The following SF3B3 variants were observed in gnomAD, a reference collection of about 807,000 sequenced individuals.
SF3B3 encodes splicing factor 3b subunit 3, also known as SAP 130.
A neutral mutation model predicts 139.2 loss-of-function variants in SF3B3; 33 were observed. The ratio of observed to expected loss-of-function variants is 0.24; its 90% confidence interval spans 0.18 to 0.32. SF3B3 has a LOEUF of 0.32. SF3B3 is among the 10% of genes least tolerant of loss of function. The pLI, the probability that SF3B3 is intolerant of heterozygous loss-of-function variation, is 1.00. For synonymous variants in SF3B3, 596 were observed against 563.6 expected (o/e 1.06, Z -0.81); for missense variants, 818 against 1,509.4 (o/e 0.54, Z 7.59).
chr16:70,556,777 C>A, intron 14 of SF3B3, 109 bp from the exon 15 acceptor site: 1 of 1,253,134 alleles, frequency 8.0e-7, no homozygotes, highest in Non-Finnish European at 1.1e-6. Context: ...CGGGTTTTTT[C>A]TGTGCATAAG....
In SF3B3 at chr16:70,530,967, T is replaced by C. The variant is rs750167482; in HGVS notation, c.570+50T>C. The C allele has an allele frequency of 2.6e-6, 4 of 1,529,832 alleles. No individual in the cohort carries two copies. The African/African-American group carries it at 5.6e-5, about 21-fold the overall frequency. 94.8% of individuals were successfully genotyped at this position (1,529,832 alleles called of 1,614,324 possible). A position where few individuals can be genotyped will look rare whatever the true frequency, so the allele number is the denominator to read the frequency against. On this transcript the variant is annotated intron_variant, in intron 4 of 25. Transcript: ENST00000302516. ...GTTTCTTTCAGTCACCTCAGTGTTTTTTTTTAAGATTGTTTTCCGGCCGGG... is the reference window on the plus strand; with the variant it reads ...GTTTCTTTCAGTCACCTCAGTGTTTCTTTTTAAGATTGTTTTCCGGCCGGG...
chr16:70,561,829 C>G, intron 17 of SF3B3, 45 bp downstream of exon 17: 8 of 1,561,768 alleles, frequency 5.1e-6, no homozygotes, highest in Non-Finnish European at 7.0e-6. Context: ...GCCTTTCTGC[C>G]AAGGGCTCAG....
In SF3B3 at chr16:70,571,941, A is replaced by G. The variant is rs2050533239; in HGVS notation, c.*128A>G. On this transcript the variant is annotated 3_prime_UTR_variant, in exon 26 of 26. Coordinates refer to ENST00000302516, the MANE Select transcript of SF3B3 (RefSeq NM_012426.5). The stretch of plus-strand genomic sequence containing the variant: ...TAATTAAGACTGCATTATGAAAGTC[A>G]ACAGCTCTTTCCCCTCAGCTCTTCT... 8.8e-7 allele frequency: 1 copy of G among 1,142,418 alleles called. No individual in the cohort carries two copies. The highest frequency in any genetic ancestry group is 1.3e-6 in the Non-Finnish European group (1 of 796,484). 70.8% of individuals were successfully genotyped at this position (1,142,418 alleles called of 1,614,324 possible).
chr16:70,575,526 T>G lies in SF3B3; in HGVS notation c.*3713T>G, dbSNP rs893463848. On this transcript the variant is annotated 3_prime_UTR_variant, in exon 26 of 26. Coordinates refer to ENST00000302516, the MANE Select transcript of SF3B3 (RefSeq NM_012426.5). ...GAGCTGTTTAAGCCATCAGGAGACA[T>G]GCTGACCCACTAGAAGAGGCTGCTA... 1 of 152,396 alleles carries G rather than the reference T, an allele frequency of 6.6e-6. No individual in the cohort carries two copies. Among genetic ancestry groups the G allele is most frequent in the African/African-American group, 2.4e-5 (1 of 41,440 alleles). The allele number at this position is 152,396 out of a possible 1,614,324, so 9.4% of individuals were successfully genotyped here. A position where few individuals can be genotyped will look rare whatever the true frequency, so the allele number is the denominator to read the frequency against.
chr16:70,571,570 C>T, intron 25 of SF3B3, 103 bp from the exon 26 acceptor site: 1 of 1,321,464 alleles, frequency 7.6e-7, no homozygotes, highest in South Asian at 1.5e-5. Context: ...GTCTCAAAAA[C>T]TAAAAAATAA....
chr16:70,549,363 A>G lies in SF3B3; in HGVS notation c.1402+921A>G, dbSNP rs550821309. Among the ~76,000 whole-genome samples the G allele has an allele frequency of 2.6e-5, 4 of 152,354 alleles. No homozygotes were observed. The South Asian group carries it at 8.3e-4, about 32-fold the overall frequency. ...AATTTTCATTGTAGGCATTTGAATC[A>G]TATCCAAGTTGAGTAGAAAGGGAAA... On this transcript the variant is annotated intron_variant, in intron 11 of 25. Transcript: ENST00000302516.
At chr16:70,533,050 C>A (rs2050135961) in intron 5 of SF3B3, among the ~76,000 whole-genome samples, 1 of 152,106 alleles carries the variant, frequency 6.6e-6, no homozygotes, top group Non-Finnish European at 1.5e-5. Flanking sequence ...CCAGATTGAT[C>A]CAAAAATAAA....
chr16:70,556,667 A>G (rs1320224055), intron 14 of SF3B3: 7 of 617,146 alleles, frequency 1.1e-5, no homozygotes, highest in Non-Finnish European at 2.0e-5. Context: ...TACCTTTGCC[A>G]TTATCTTCTT....
At chr16:70,551,911 G>C (rs777179213) in intron 11 of SF3B3, among the ~76,000 whole-genome samples, 12 of 152,158 alleles carry the variant, frequency 7.9e-5, no homozygotes, top group Non-Finnish European at 1.8e-4. Context: ...TAGAAGGAAG[G>C]GGTAGAAGTT....
chr16:70,565,568 A>T (rs1343909137), intron 20 of SF3B3, 44 bp downstream of exon 20: 4 of 1,568,510 alleles, frequency 2.6e-6, no homozygotes, highest in African/African-American at 1.4e-5. Flanking sequence ...AGTCCCATTG[A>T]ATTCTCTCAC....
At position 70,561,639 on chromosome 16, in the gene SF3B3, A is replaced by G. The variant is rs746688490; in HGVS notation, c.2143A>G (p.Met715Val). Residue 715 changes from methionine (M) to valine (V), a missense_variant, in exon 17 of 26, where the codon ATG (methionine) becomes GTG (valine). By Grantham distance (21) the Met-to-Val change is conservative (BLOSUM62 1). This residue lies in a region of SF3B3 where 170 missense variants were observed against 353.0 expected (regional missense o/e 0.48). Transcript: ENST00000302516. ...RMQGQEAVLA[M>V]SSRSWLSYSY... Reference sequence around the variant, plus strand: ...TTTTTTTTCCCCTCAGGTATTGGCCATGTCAAGCCGCTCATGGTTGAGCTA... The same window carrying G: ...TTTTTTTTCCCCTCAGGTATTGGCCGTGTCAAGCCGCTCATGGTTGAGCTA... 2.9e-5 allele frequency: 47 copies of G among 1,613,032 alleles called. No homozygotes were observed. Among genetic ancestry groups the G allele is most frequent in the Non-Finnish European group, 2.5e-6 (3 of 1,179,752 alleles).
intron 11 of SF3B3, among the ~76,000 whole-genome samples, chr16:70,552,070 T>C (rs574075290): frequency 6.6e-6 from 1 of 152,326 alleles, no homozygotes; most frequent in Non-Finnish European, 1.5e-5. Context: ...TATTCTCTTA[T>C]GTTTGAGTAG....
intron 18 of SF3B3, 56 bp from the exon 19 acceptor site, chr16:70,565,009 C>T: frequency 6.4e-7 from 1 of 1,552,728 alleles, no homozygotes; most frequent in Non-Finnish European, 8.9e-7. Context: ...ATCCTCTTCT[C>T]AGCCAGCCCC....
intron 24 of SF3B3, 65 bp downstream of exon 24, chr16:70,570,214 A>G: frequency 6.7e-7 from 1 of 1,492,272 alleles, no homozygotes; most frequent in South Asian, 1.2e-5. Context: ...GGATCTACCT[A>G]AGAGGTCAAA....
chr16:70,542,408 G>C (rs1567414525), intron 9 of SF3B3, among the ~76,000 whole-genome samples: 1 of 152,184 alleles, frequency 6.6e-6, no homozygotes, highest in South Asian at 2.1e-4. Flanking sequence ...CATTCTCAAG[G>C]AGGAACCTGA....
At chr16:70,553,655 T>TA (rs1198650346) in intron 11 of SF3B3, among the ~76,000 whole-genome samples, 4 of 151,710 alleles carry the variant, frequency 2.6e-5, no homozygotes, top group Non-Finnish European at 5.9e-5. Context: ...TAGGGTGAGA[T>TA]ACATGGAAAA....
Position 70,572,310 on chromosome 16 carries a change from G to A in SF3B3, c.*497G>A. 1 of 325,070 alleles carries A rather than the reference G, an allele frequency of 3.1e-6. No homozygotes were observed. Among genetic ancestry groups the A allele is most frequent in the South Asian group, 2.4e-5 (1 of 41,450 alleles). 20.1% of individuals were successfully genotyped at this position (325,070 alleles called of 1,614,324 possible). ...AGTTTTTAAGGTGACTGGCATCCAT[G>A]TGTCTTGTTCTGGAGATGAGGATGT... On this transcript the variant is annotated 3_prime_UTR_variant, in exon 26 of 26. Transcript: ENST00000302516.
intron 6 of SF3B3, among the ~76,000 whole-genome samples, chr16:70,536,167 CT>C (rs557928716): frequency 1.3e-5 from 2 of 150,258 alleles, no homozygotes; most frequent in Non-Finnish European, 2.9e-5. Flanking sequence ...TCCCTCTCAC[CT>C]TTTTTTCTTT....
intron 15 of SF3B3, among the ~76,000 whole-genome samples, chr16:70,557,700 C>T (rs1348846490): frequency 6.6e-6 from 1 of 151,946 alleles, no homozygotes; most frequent in South Asian, 2.1e-4. Context: ...TTATGGGCTG[C>T]CACATGGGTT....
Sources: allele counts gnomAD v4.1 joint callset (sites outside exome capture counted in the v4.1 genomes callset), GRCh38; gene constraint gnomAD v4.1.1; regional missense constraint gnomAD v4.1.1; transcripts MANE v1.5; gene names NCBI Gene and HGNC (gene_info 2026-07-23, HGNC 2026-07-21).